STAT4: variants seen among roughly 807,000 people sequenced by gnomAD.
STAT4 encodes the protein signal transducer and activator of transcription 4.
Under a neutral mutation model 110.5 loss-of-function variants are expected in STAT4, and 42 were observed. The ratio of observed to expected loss-of-function variants is 0.38; its 90% confidence interval spans 0.30 to 0.49. The LOEUF is 0.49. STAT4 is among the 20% of genes least tolerant of loss of function. STAT4 has a pLI of 0.95. For synonymous variants in STAT4, 284 were observed against 302.2 expected, an observed-to-expected ratio of 0.94 and a Z score of 0.63; for missense variants, 632 against 887.9, an observed-to-expected ratio of 0.71 and a Z score of 3.66.
intron 4 of STAT4, among the ~76,000 whole-genome samples, chr2:191,075,637 G>A (rs1466087200): frequency 1.3e-5 from 2 of 152,068 alleles, no homozygotes; most frequent in African/African-American, 2.4e-5. Context: ...CAGTACAAAT[G>A]GGAAATGATG....
chr2:191,079,076 G>A (rs1465425990), intron 3 of STAT4, among the ~76,000 whole-genome samples: 1 of 151,978 alleles, frequency 6.6e-6, no homozygotes, highest in Non-Finnish European at 1.5e-5. Context: ...TTGTGGGTGG[G>A]CTTGTTTCTG....
At chr2:191,079,669 A>G (rs964611427) in intron 3 of STAT4, among the ~76,000 whole-genome samples, 1 of 152,048 alleles carries the variant, frequency 6.6e-6, no homozygotes, top group African/African-American at 2.4e-5. Flanking sequence ...TCTAACTTCC[A>G]TCAGGATTTC....
In STAT4 at chr2:191,050,530, A is replaced by G. The variant is rs1696491251; in HGVS notation, c.1251+3960T>C. 6.6e-6 allele frequency among the ~76,000 whole-genome samples: 1 copy of G among 152,216 alleles called. No homozygotes were observed. The highest frequency in any genetic ancestry group is 2.1e-4 in the South Asian group (1 of 4,832). ...GCTCCTACCCTATGTTGCACTTCTGAGGATTAAAGAATCTTAGTCAAAGGG... is the reference window on the plus strand; with the variant it reads ...GCTCCTACCCTATGTTGCACTTCTGGGGATTAAAGAATCTTAGTCAAAGGG... On this transcript the variant is annotated intron_variant, in intron 14 of 23. Coordinates refer to ENST00000392320, the MANE Select transcript of STAT4 (RefSeq NM_003151.4). This position sits in a 1 kb window ranked among gnomAD's most constrained non-coding sequence, Gnocchi z 4.3.
intron 6 of STAT4, among the ~76,000 whole-genome samples, chr2:191,069,360 T>C (rs1697080949): frequency 6.6e-6 from 1 of 152,104 alleles, no homozygotes; most frequent in Non-Finnish European, 1.5e-5. Flanking sequence ...CTGTGATAAT[T>C]ATATTTTGAT....
chr2:191,075,076 C>T (rs1023600707), intron 4 of STAT4, among the ~76,000 whole-genome samples: 3 of 152,022 alleles, frequency 2.0e-5, no homozygotes, highest in Non-Finnish European at 2.9e-5. Flanking sequence ...AGGAGAATTG[C>T]TTGAACCTGG....
chr2:191,136,746 C>G (rs1699189129), intron 3 of STAT4, among the ~76,000 whole-genome samples: 1 of 152,020 alleles, frequency 6.6e-6, no homozygotes, highest in African/African-American at 2.4e-5. Context: ...CAGAGTGAGA[C>G]TCTGTATCAA....
At chr2:191,079,758 TA>T (rs1697411864) in intron 3 of STAT4, among the ~76,000 whole-genome samples, 5 of 152,104 alleles carry the variant, frequency 3.3e-5, no homozygotes, top group African/African-American at 1.2e-4. Context: ...ATCTTTTTTT[TA>T]CAGATTTTTA....
At chr2:191,109,709 T>C (rs9967792) in intron 3 of STAT4, among the ~76,000 whole-genome samples, 98,642 of 152,064 alleles carry the variant, frequency 0.65, 32,310 homozygotes, top group South Asian at 0.78. Flanking sequence ...ATTTCTCTTA[T>C]TCCAGTGGTA....
intron 3 of STAT4, among the ~76,000 whole-genome samples, chr2:191,129,598 C>CA (rs1210562035): frequency 6.6e-6 from 1 of 151,534 alleles, no homozygotes; most frequent in Admixed American, 6.6e-5. Context: ...TGTCACTTTC[C>CA]AAAAAAAAGG....
rs755317297 is a variant in STAT4, at chr2:191,036,185, T to A, written c.1549A>T (p.Met517Leu). ...TCACCTGTAAGCTTCTCTGCCAGCA[T>A]ATGGAGTTGATCTGAGTTAAGACCA... is the stretch of plus-strand genomic sequence containing the variant. ...GRGLNSDQLHMLAEKLTVQSS... is the reference protein window; with the variant it reads ...GRGLNSDQLHLLAEKLTVQSS... The change falls in exon 17 of 24, where the codon ATG becomes TTG. Residue 517 changes from methionine (M) to leucine (L), a missense_variant. Transcript: ENST00000392320. 1 of 1,614,122 alleles carries A rather than the reference T, an allele frequency of 6.2e-7. No individual in the cohort carries two copies. Among genetic ancestry groups the A allele is most frequent in the South Asian group, 1.1e-5 (1 of 91,084 alleles).
chr2:191,049,383 A>G (rs1039259582), intron 14 of STAT4, among the ~76,000 whole-genome samples: 7 of 152,066 alleles, frequency 4.6e-5, no homozygotes, highest in South Asian at 4.2e-4. Context: ...TCACTGTGTT[A>G]GCCAGGATGG....
intron 3 of STAT4, among the ~76,000 whole-genome samples, chr2:191,098,010 A>C (rs1201860903): frequency 6.6e-6 from 1 of 152,244 alleles, no homozygotes; most frequent in African/African-American, 2.4e-5. Flanking sequence ...ACACATGAAA[A>C]AATGCTCATT....
At chr2:191,106,881 C>T (rs1698297651) in intron 3 of STAT4, among the ~76,000 whole-genome samples, 1 of 151,952 alleles carries the variant, frequency 6.6e-6, no homozygotes, top group African/African-American at 2.4e-5. Context: ...GTGGAGAAAA[C>T]CTGTTTTCAT....
rs764034679 is a variant in STAT4, at chr2:191,144,317, A to G, written c.273+2296T>C. 6.6e-6 allele frequency among the ~76,000 whole-genome samples: 1 copy of G among 152,166 alleles called. No individual in the cohort carries two copies. The highest frequency in any genetic ancestry group is 1.5e-5 in the Non-Finnish European group (1 of 68,032). On this transcript the variant is annotated intron_variant, in intron 3 of 23. Transcript: ENST00000392320. The surrounding 1 kb of genome is among the most constrained non-coding windows in gnomAD (Gnocchi z 4.7). ...CATGTGGTGAAGGTTTTCTTGTTGC[A>G]CTGGAACCTACATAGATTCTTTAGG...
intron 3 of STAT4, among the ~76,000 whole-genome samples, chr2:191,122,920 TA>T (rs1455025011): frequency 2.0e-5 from 3 of 152,198 alleles, no homozygotes; most frequent in Non-Finnish European, 2.9e-5. Context: ...GGATGTATAT[TA>T]AAAAAATTCA....
At chr2:191,080,938 A>G (rs1426320889) in intron 3 of STAT4, among the ~76,000 whole-genome samples, 1 of 152,062 alleles carries the variant, frequency 6.6e-6, no homozygotes, top group Non-Finnish European at 1.5e-5. Flanking sequence ...GGTTTGCTGC[A>G]CTCATCAACC....
At chr2:191,034,288 T>A (rs1480270402) in intron 18 of STAT4, among the ~76,000 whole-genome samples, 1 of 151,728 alleles carries the variant, frequency 6.6e-6, no homozygotes, top group Non-Finnish European at 1.5e-5. Context: ...CCGGGCGTGG[T>A]GGTGGGTGCC....
chr2:191,129,309 A>G (rs188988390), intron 3 of STAT4, among the ~76,000 whole-genome samples: 1 of 152,166 alleles, frequency 6.6e-6, no homozygotes, highest in Non-Finnish European at 1.5e-5. Flanking sequence ...ATGTCAATGC[A>G]CAGGCATGGT....
In STAT4 at chr2:191,116,196, T is replaced by C. The variant is rs1237968766; in HGVS notation, c.273+30417A>G. On this transcript the variant is annotated intron_variant, in intron 3 of 23. Transcript: ENST00000392320. This position sits in a 1 kb window ranked among gnomAD's most constrained non-coding sequence, Gnocchi z 4.1. ...CCCAATGTGAAGCTAAGATCACATA[T>C]GTACCCTTTGTTCACTGATGCTGAC... Among the ~76,000 whole-genome samples, 1 of 152,338 alleles carries C rather than the reference T, an allele frequency of 6.6e-6. No individual in the cohort carries two copies. Among genetic ancestry groups the C allele is most frequent in the East Asian group, 1.9e-4 (1 of 5,188 alleles).
Sources: allele counts gnomAD v4.1 joint callset (sites outside exome capture counted in the v4.1 genomes callset), GRCh38; gene constraint gnomAD v4.1.1; non-coding constraint Gnocchi (gnomAD v3.1); transcripts MANE v1.5; gene names NCBI Gene and HGNC (gene_info 2026-07-23, HGNC 2026-07-21).